Variants in DNMT3B observed in about 807,000 individuals in gnomAD.
The protein encoded by DNMT3B is DNA (cytosine-5)-methyltransferase 3B.
A neutral mutation model predicts 120.2 loss-of-function variants in DNMT3B; 37 were observed. That is an observed-to-expected ratio of 0.31 (90% CI 0.24 to 0.40). DNMT3B has a LOEUF of 0.40. DNMT3B is among the 10% of genes least tolerant of loss of function. The probability of loss-of-function intolerance (pLI) is 1.00; values close to 1 mark genes in which losing one functional copy is unlikely to be tolerated. For synonymous variants in DNMT3B, 412 were observed against 442.8 expected, an observed-to-expected ratio of 0.93 and a Z score of 0.87; for missense variants, 878 against 1,137.3, an observed-to-expected ratio of 0.77 and a Z score of 3.28.
intron 1 of DNMT3B, among the ~76,000 whole-genome samples, chr20:32,763,039 G>C (rs1323526482): frequency 6.6e-6 from 1 of 152,142 alleles, no homozygotes; most frequent in Non-Finnish European, 1.5e-5. Context: ...GCTTCCCGGG[G>C]TCCAGACTCG....
intron 1 of DNMT3B, among the ~76,000 whole-genome samples, chr20:32,768,535 C>CAGG (rs1987526639): frequency 6.6e-6 from 1 of 152,182 alleles, no homozygotes; most frequent in Non-Finnish European, 1.5e-5. Flanking sequence ...GTATGTTGCC[C>CAGG]AGGCTGGTCT....
rs1158821657 is a variant in DNMT3B at position 32,765,755 on chromosome 20, T to C, written c.-7+3056T>C. 8.1e-3 allele frequency among the ~76,000 whole-genome samples: 939 copies of C among 115,544 alleles called. 21 individuals are homozygous for C. The highest frequency in any genetic ancestry group is 0.041 in the African/African-American group (909 of 22,382). The allele number at this position is 115,544 out of a possible 152,430, so 75.8% of individuals were successfully genotyped here. A position where few individuals can be genotyped will look rare whatever the true frequency, so the allele number is the denominator to read the frequency against. ...TATTTATTTATTTATTTTTTCTTTTTTTCTTTTTTTTTTTTTTTGAGACGG... is the reference window on the plus strand; with the variant it reads ...TATTTATTTATTTATTTTTTCTTTTCTTCTTTTTTTTTTTTTTTGAGACGG... On this transcript the variant is annotated intron_variant, in intron 1 of 22. Coordinates refer to ENST00000328111, the MANE Select transcript of DNMT3B (RefSeq NM_006892.4).
intron 10 of DNMT3B, among the ~76,000 whole-genome samples, chr20:32,795,038 T>G (rs1980439213): frequency 6.6e-6 from 1 of 152,202 alleles, no homozygotes; most frequent in African/African-American, 2.4e-5. Flanking sequence ...CAGAATTCAT[T>G]TCCTCAACAG....
At chr20:32,765,277 T>TA (rs1987243245) in intron 1 of DNMT3B, among the ~76,000 whole-genome samples, 3 of 152,266 alleles carry the variant, frequency 2.0e-5, no homozygotes, top group South Asian at 4.1e-4. Context: ...GCCACTCTTG[T>TA]AAAAAGAGAC....
Position 32,762,467 on chromosome 20 carries a change from G to C in DNMT3B, c.-239G>C, listed in dbSNP as rs1987015247. 1 of 170,598 alleles carries C rather than the reference G, an allele frequency of 5.9e-6. No homozygotes were observed. Among genetic ancestry groups the C allele is most frequent in the Non-Finnish European group, 1.2e-5 (1 of 80,768 alleles). The allele number at this position is 170,598 out of a possible 1,614,324, so 10.6% of individuals were successfully genotyped here. On this transcript the variant is annotated 5_prime_UTR_variant, in exon 1 of 23. Transcript: ENST00000328111. ...CTCCGCGGCCGCAGCCCGCGTGGACGCTCCGAGCGCCCCCCGACGGACGGG... is the reference window on the plus strand; with the variant it reads ...CTCCGCGGCCGCAGCCCGCGTGGACCCTCCGAGCGCCCCCCGACGGACGGG...
At chr20:32,773,082 G>T (rs897645567) in intron 1 of DNMT3B, among the ~76,000 whole-genome samples, 9 of 150,930 alleles carry the variant, frequency 6.0e-5, no homozygotes, top group Non-Finnish European at 1.0e-4. Flanking sequence ...GCCTCCCAAA[G>T]TGCTGGGATC....
Position 32,797,565 on chromosome 20 carries a change from G to A in DNMT3B, c.1490+266G>A, listed in dbSNP as rs569161353. ...AGGGTGTACAGTGACATGATCATAG[G>A]TCACTGCAGCCTCCAATTCCTGTGC... On this transcript the variant is annotated intron_variant, in intron 14 of 22. Transcript: ENST00000328111. 2.0e-5 allele frequency among the ~76,000 whole-genome samples: 3 copies of A among 152,276 alleles called. No individual in the cohort carries two copies. In the South Asian group the frequency reaches 6.2e-4, roughly 32 times the overall value.
intron 10 of DNMT3B, 86 bp from the exon 11 acceptor site, chr20:32,795,323 C>G: frequency 1.2e-6 from 2 of 1,604,912 alleles, no homozygotes; most frequent in Middle Eastern, 2.0e-4. Flanking sequence ...AGCTGGTACC[C>G]AGGCATAGCA....
intron 1 of DNMT3B, among the ~76,000 whole-genome samples, chr20:32,772,474 G>A (rs1214398898): frequency 6.6e-6 from 1 of 152,192 alleles, no homozygotes; most frequent in Non-Finnish European, 1.5e-5. Context: ...GCCCCCTTGG[G>A]AGGGGACAGG....
intron 1 of DNMT3B, among the ~76,000 whole-genome samples, chr20:32,773,940 T>TG (rs1236385759): frequency 2.1e-5 from 3 of 141,748 alleles, no homozygotes; most frequent in Non-Finnish European, 4.6e-5. Context: ...AGTGGTTTTT[T>TG]TTTTTTTTTT....
intron 19 of DNMT3B, among the ~76,000 whole-genome samples, chr20:32,801,804 T>G (rs910679737): frequency 6.6e-6 from 1 of 152,094 alleles, no homozygotes. Context: ...ACCCTAGTCT[T>G]GAACTCCTGG....
chr20:32,807,675 G>A, intron 22 of DNMT3B, 87 bp from the exon 23 acceptor site: 1 of 1,593,848 alleles, frequency 6.3e-7, no homozygotes, highest in Non-Finnish European at 8.5e-7. Flanking sequence ...GATGGCGAGG[G>A]CAGAAAGAGT....
chr20:32,779,298 ACTCGTT>A (rs745745842), intron 1 of DNMT3B, among the ~76,000 whole-genome samples: 8 of 152,148 alleles, frequency 5.3e-5, no homozygotes, highest in Non-Finnish European at 1.0e-4. Flanking sequence ...GAAGTTTTTT[ACTCGTT>A]CTCTATCTAA....
At chr20:32,783,885 C>T (rs968829619) in intron 3 of DNMT3B, among the ~76,000 whole-genome samples, 3 of 151,320 alleles carry the variant, frequency 2.0e-5, no homozygotes, top group African/African-American at 7.3e-5. Flanking sequence ...ACCACCATGC[C>T]CAGCTAACTT....
rs1247601768 is a variant in DNMT3B at position 32,787,200 on chromosome 20, G to A, written c.433-30G>A. The A allele has an allele frequency of 3.1e-6, 5 of 1,613,838 alleles. No homozygotes were observed. The African/African-American group carries it at 6.7e-5, about 22-fold the overall frequency. Reference sequence around the variant, plus strand: ...TCTGGTCACCGACATCCTTTGCTCTGGCCCAAACTATGTGTCCTTCTGTCC... The same window carrying A: ...TCTGGTCACCGACATCCTTTGCTCTAGCCCAAACTATGTGTCCTTCTGTCC... On this transcript the variant is annotated intron_variant, in intron 5 of 22. Coordinates refer to ENST00000328111, the MANE Select transcript of DNMT3B (RefSeq NM_006892.4).
chr20:32,802,594 A>T (rs1178963930), intron 20 of DNMT3B, 124 bp downstream of exon 20: 2 of 1,020,314 alleles, frequency 2.0e-6, no homozygotes, highest in Non-Finnish European at 3.1e-6. Context: ...TGGATTTCAG[A>T]CCACCTGTGG....
intron 1 of DNMT3B, among the ~76,000 whole-genome samples, chr20:32,773,934 GTTTTT>G (rs1161730284): frequency 7.8e-4 from 54 of 69,152 alleles, no homozygotes; most frequent in African/African-American, 3.3e-3. Context: ...CCCGGCAGTG[GTTTTT>G]TTTTTTTTTT....
chr20:32,783,194 T>C (rs1978835933), intron 3 of DNMT3B, among the ~76,000 whole-genome samples: 1 of 152,208 alleles, frequency 6.6e-6, no homozygotes, highest in East Asian at 1.9e-4. Context: ...CCCAAAGTGC[T>C]GGGATTACAA....
At chr20:32,791,410 ACT>A (rs148308860) in intron 7 of DNMT3B, among the ~76,000 whole-genome samples, 189 bp from the exon 8 acceptor site, 2,687 of 152,112 alleles carry the variant, frequency 0.018, 70 homozygotes, top group African/African-American at 0.054. Flanking sequence ...GTGTGTTGAG[ACT>A]CTGCCATTTC....
Sources: gnomAD v4.1 joint callset for allele counts (sites outside exome capture counted in the v4.1 genomes callset) on GRCh38, gnomAD v4.1.1 for gene constraint, MANE v1.5 for transcripts, NCBI Gene and HGNC (gene_info 2026-07-23, HGNC 2026-07-21) for gene names.